DLEU7: variants seen among roughly 807,000 people sequenced by gnomAD.
DLEU7 encodes deleted in lymphocytic leukemia 7.
DLEU7 carries 17 observed loss-of-function variants against 16.0 expected under a neutral mutation model. That is an observed-to-expected ratio of 1.06 (90% CI 0.73 to 1.59). The LOEUF is 1.59. DLEU7 is among the 40% of genes most tolerant of loss of function. DLEU7 has a pLI of 0.00. For synonymous variants in DLEU7, 113 were observed against 139.8 expected (o/e 0.81, Z 1.35); for missense variants, 308 against 314.9 (o/e 0.98, Z 0.17).
intron 1 of DLEU7, among the ~76,000 whole-genome samples, chr13:50,751,590 A>G (rs1874564518): frequency 1.3e-5 from 2 of 152,178 alleles, no homozygotes; most frequent in Admixed American, 6.5e-5. Context: ...TAATTTTTAA[A>G]TTACTGTTTG....
intron 1 of DLEU7, among the ~76,000 whole-genome samples, chr13:50,799,426 T>C (rs535590615): frequency 6.6e-6 from 1 of 152,360 alleles, no homozygotes; most frequent in South Asian, 2.1e-4. Context: ...GGTCCATGTC[T>C]CACCTTCACT....
intron 1 of DLEU7, among the ~76,000 whole-genome samples, chr13:50,793,240 C>T (rs973305695): frequency 2.6e-5 from 4 of 151,976 alleles, no homozygotes; most frequent in African/African-American, 9.7e-5. Context: ...GTGTAGTATT[C>T]CATGGCGTAT....
chr13:50,824,883 G>A (rs574072251), intron 1 of DLEU7, among the ~76,000 whole-genome samples: 5 of 152,226 alleles, frequency 3.3e-5, no homozygotes, highest in East Asian at 1.9e-4. Context: ...ACAATCTACC[G>A]TGATATAGCA....
intron 1 of DLEU7, among the ~76,000 whole-genome samples, chr13:50,721,347 C>A (rs1472026226): frequency 6.6e-6 from 1 of 152,226 alleles, no homozygotes; most frequent in East Asian, 1.9e-4. Context: ...CCTCAGCTTG[C>A]AGACAGCCTA....
At chr13:50,733,235 G>T (rs1476629226) in intron 1 of DLEU7, among the ~76,000 whole-genome samples, 1 of 152,172 alleles carries the variant, frequency 6.6e-6, no homozygotes, top group Non-Finnish European at 1.5e-5. Flanking sequence ...GTCTGGTGGA[G>T]CCAGAGCATC....
At chr13:50,796,027 A>G (rs150747213) in intron 1 of DLEU7, among the ~76,000 whole-genome samples, 294 of 152,220 alleles carry the variant, frequency 1.9e-3, no homozygotes, top group African/African-American at 6.5e-3. Flanking sequence ...ATTGCTCACC[A>G]GTACCTGTTT....
intron 1 of DLEU7, among the ~76,000 whole-genome samples, chr13:50,745,668 A>C (rs1055535596): frequency 1.3e-5 from 2 of 152,166 alleles, no homozygotes; most frequent in Admixed American, 1.3e-4. Flanking sequence ...AAAATGCTGA[A>C]AGAAGTCATG....
At chr13:50,774,632 T>C (rs1300227885) in intron 1 of DLEU7, among the ~76,000 whole-genome samples, 1 of 152,230 alleles carries the variant, frequency 6.6e-6, no homozygotes, top group Non-Finnish European at 1.5e-5. Context: ...TGTGGGTTGC[T>C]GTTTTCAATC....
chr13:50,842,349 G>A (rs1334024021), intron 1 of DLEU7, among the ~76,000 whole-genome samples: 1 of 152,176 alleles, frequency 6.6e-6, no homozygotes, highest in Non-Finnish European at 1.5e-5. Context: ...ATAAAATACA[G>A]CAATGCTCCT....
chr13:50,729,535 T>C (rs910420452), intron 1 of DLEU7, among the ~76,000 whole-genome samples: 2 of 152,222 alleles, frequency 1.3e-5, no homozygotes, highest in Non-Finnish European at 2.9e-5. Flanking sequence ...TCTATTCCTT[T>C]AGGTATTTAC....
chr13:50,811,777 C>T (rs9535493), intron 1 of DLEU7, among the ~76,000 whole-genome samples: 4,455 of 152,130 alleles, frequency 0.029, 94 homozygotes, highest in Admixed American at 0.056. Flanking sequence ...TATTTAAATG[C>T]CTGTAAGATG....
At chr13:50,815,335 A>C (rs1593406883) in intron 1 of DLEU7, among the ~76,000 whole-genome samples, 1 of 151,238 alleles carries the variant, frequency 6.6e-6, no homozygotes, top group Non-Finnish European at 1.5e-5. Flanking sequence ...AAAAATCTCT[A>C]CACTCAAAGA....
At chr13:50,802,989 A>G (rs1876291064) in intron 1 of DLEU7, among the ~76,000 whole-genome samples, 1 of 152,118 alleles carries the variant, frequency 6.6e-6, no homozygotes, top group Non-Finnish European at 1.5e-5. Context: ...GTAATGTTTC[A>G]TAATTTATTT....
intron 1 of DLEU7, among the ~76,000 whole-genome samples, chr13:50,750,007 C>A (rs1670383587): frequency 6.6e-6 from 1 of 152,120 alleles, no homozygotes; most frequent in African/African-American, 2.4e-5. Flanking sequence ...GAAATGCTTG[C>A]CTAAGCCAAT....
chr13:50,787,321 C>A (rs952390621), intron 1 of DLEU7, among the ~76,000 whole-genome samples: 16 of 152,256 alleles, frequency 1.1e-4, no homozygotes, highest in African/African-American at 3.6e-4. Context: ...CAACAGGGAC[C>A]TCCCACTGTT....
At chr13:50,767,522 G>T (rs1278981343) in intron 1 of DLEU7, among the ~76,000 whole-genome samples, 1 of 151,076 alleles carries the variant, frequency 6.6e-6, no homozygotes, top group East Asian at 2.0e-4. Context: ...GTAAGCTCAG[G>T]CTTACCATGC....
intron 1 of DLEU7, among the ~76,000 whole-genome samples, chr13:50,746,155 AGTACCTGGCACACAG>A (rs1254979968): frequency 6.6e-6 from 1 of 152,216 alleles, no homozygotes; most frequent in African/African-American, 2.4e-5. Context: ...CTCTTAGAGT[AGTACCTGGCACACAG>A]TAAGTTCTGT....
At chr13:50,746,749 A>T (rs1874406792) in intron 1 of DLEU7, among the ~76,000 whole-genome samples, 2 of 152,130 alleles carry the variant, frequency 1.3e-5, no homozygotes, top group African/African-American at 4.8e-5. Flanking sequence ...CTAGGTGAAG[A>T]TGACAGAAAG....
chr13:50,768,242 G>A (rs1237208139), intron 1 of DLEU7, among the ~76,000 whole-genome samples: 2 of 151,676 alleles, frequency 1.3e-5, no homozygotes, highest in Non-Finnish European at 2.9e-5. Flanking sequence ...ATATATATTT[G>A]CTCTATATAG....
Sources: gnomAD v4.1 joint callset for allele counts (sites outside exome capture counted in the v4.1 genomes callset) on GRCh38, gnomAD v4.1.1 for gene constraint, MANE v1.5 for transcripts, NCBI Gene and HGNC (gene_info 2026-07-23, HGNC 2026-07-21) for gene names.